SRGAP1: variants seen among roughly 807,000 people sequenced by gnomAD.
SRGAP1 encodes SLIT-ROBO Rho GTPase-activating protein 1.
SRGAP1 carries 43 observed loss-of-function variants against 121.9 expected under a neutral mutation model. That is an observed-to-expected ratio of 0.35 (90% CI 0.28 to 0.46). SRGAP1 has a LOEUF of 0.46. Among genes scored for constraint, SRGAP1 ranks in the 20% least tolerant of loss-of-function variants. SRGAP1 has a pLI of 1.00. For missense variants in SRGAP1, 1,102 were observed against 1,350.9 expected, an observed-to-expected ratio of 0.82 and a Z score of 2.89; for synonymous variants, 447 against 485.4, an observed-to-expected ratio of 0.92 and a Z score of 1.04.
At chr12:63,965,437 CTT>C (rs970607172) in intron 1 of SRGAP1, among the ~76,000 whole-genome samples, 1 of 152,022 alleles carries the variant, frequency 6.6e-6, no homozygotes, top group Non-Finnish European at 1.5e-5. Flanking sequence ...CATTTTCTAA[CTT>C]TTTATGATGC....
rs2037085556 is a variant in SRGAP1, at chr12:64,148,531, C to G, written c.*5859C>G. The G allele has an allele frequency of 6.6e-6, 1 of 152,096 alleles. No individual in the cohort carries two copies. Among genetic ancestry groups the G allele is most frequent in the Non-Finnish European group, 1.5e-5 (1 of 68,034 alleles). 9.4% of individuals were successfully genotyped at this position (152,096 alleles called of 1,614,324 possible). A position where few individuals can be genotyped will look rare whatever the true frequency, so the allele number is the denominator to read the frequency against. On this transcript the variant is annotated 3_prime_UTR_variant, in exon 22 of 22. Coordinates refer to ENST00000355086, the MANE Select transcript of SRGAP1 (RefSeq NM_020762.4). ...TCCTGACCTAAAGTGATCTATCTAC[C>G]TGCCTCAGCCTCCCAAGTGCTGGGA...
chr12:63,971,719 G>GA (rs1229079745), intron 1 of SRGAP1, among the ~76,000 whole-genome samples: 1 of 152,076 alleles, frequency 6.6e-6, no homozygotes. Context: ...GCTAAGGCCT[G>GA]AAAAATCTTA....
chr12:63,947,806 T>G (rs1362905216), intron 1 of SRGAP1, among the ~76,000 whole-genome samples: 1 of 152,230 alleles, frequency 6.6e-6, no homozygotes, highest in African/African-American at 2.4e-5. Flanking sequence ...CTCATTGCAC[T>G]CACCACAACC....
At chr12:64,043,053 A>G in intron 5 of SRGAP1, 81 bp downstream of exon 5, 1 of 931,540 alleles carries the variant, frequency 1.1e-6, no homozygotes, top group Non-Finnish European at 1.7e-6. Flanking sequence ...GCTGATATCC[A>G]CACATTGTAA....
At chr12:63,880,891 G>A (rs1380532847) in intron 1 of SRGAP1, among the ~76,000 whole-genome samples, 1 of 152,128 alleles carries the variant, frequency 6.6e-6, no homozygotes, top group Non-Finnish European at 1.5e-5. Context: ...ATGAATGAGC[G>A]GATGATGTGT....
chr12:63,862,078 G>A (rs762260449), intron 1 of SRGAP1, among the ~76,000 whole-genome samples: 1 of 152,172 alleles, frequency 6.6e-6, no homozygotes, highest in South Asian at 2.1e-4. Flanking sequence ...CCGAGATCAC[G>A]CCACTGCATT....
chr12:64,021,055 A>G (rs1409157763), intron 4 of SRGAP1, among the ~76,000 whole-genome samples: 1 of 151,962 alleles, frequency 6.6e-6, no homozygotes, highest in Non-Finnish European at 1.5e-5. Flanking sequence ...GTTAAACCCC[A>G]TTGTAAGGTT....
At chr12:64,097,408 A>G (rs780134897) in intron 15 of SRGAP1, 33 bp downstream of exon 15, 1 of 1,607,654 alleles carries the variant, frequency 6.2e-7, no homozygotes, top group Non-Finnish European at 8.5e-7. Flanking sequence ...TTTTCCCACA[A>G]GAATTATTTC....
chr12:64,070,137 G>T (rs1015688977), intron 8 of SRGAP1, among the ~76,000 whole-genome samples: 1 of 152,142 alleles, frequency 6.6e-6, no homozygotes, highest in Non-Finnish European at 1.5e-5. Flanking sequence ...AACATTTATT[G>T]CACTGTCTTG....
At position 64,146,224 on chromosome 12, in the gene SRGAP1, T is replaced by C. The variant is rs2037049265; in HGVS notation, c.*3552T>C. ...TTGCACATCTTCGTACAACATAATC[T>C]GGCTTTGGTGCCCCTTGAGCCACCT... On this transcript the variant is annotated 3_prime_UTR_variant, in exon 22 of 22. Transcript: ENST00000355086. The C allele has an allele frequency of 6.6e-6, 1 of 152,222 alleles. No homozygotes were observed. Among genetic ancestry groups the C allele is most frequent in the South Asian group, 2.1e-4 (1 of 4,822 alleles). 9.4% of individuals were successfully genotyped at this position (152,222 alleles called of 1,614,324 possible). A position where few individuals can be genotyped will look rare whatever the true frequency, so the allele number is the denominator to read the frequency against.
chr12:63,917,437 CTGAAAA>C (rs1341075421), intron 1 of SRGAP1, among the ~76,000 whole-genome samples: 1 of 152,096 alleles, frequency 6.6e-6, no homozygotes, highest in Non-Finnish European at 1.5e-5. Context: ...GGTCAGTTCA[CTGAAAA>C]GTTCATTTTT....
chr12:63,926,229 T>C (rs192112826), intron 1 of SRGAP1, among the ~76,000 whole-genome samples: 233 of 152,312 alleles, frequency 1.5e-3, no homozygotes, highest in Admixed American at 8.7e-3. Context: ...TTTAATATCT[T>C]AACAGCAAGC....
chr12:64,045,093 G>A (rs2136509525), intron 6 of SRGAP1, among the ~76,000 whole-genome samples: 1 of 152,122 alleles, frequency 6.6e-6, no homozygotes, highest in Admixed American at 6.5e-5. Context: ...TAAAACCAGG[G>A]AAATTTTTCT....
intron 1 of SRGAP1, among the ~76,000 whole-genome samples, chr12:63,858,093 TTACTC>T (rs1394553811): frequency 6.6e-6 from 1 of 152,298 alleles, no homozygotes; most frequent in African/African-American, 2.4e-5. Context: ...TTTTTCTTCT[TTACTC>T]TGTTAATGTG....
intron 1 of SRGAP1, among the ~76,000 whole-genome samples, chr12:63,943,911 C>T (rs1007402491): frequency 2.0e-5 from 3 of 152,026 alleles, no homozygotes; most frequent in South Asian, 2.1e-4. Context: ...TCAGAAAATC[C>T]AAGAATGTAT....
Position 64,108,954 on chromosome 12 carries a change from G to A in SRGAP1, c.1836G>A (p.Arg612=), listed in dbSNP as rs764954681. ...SCIRIDNLYE[R]ALHIRKLLLT... ...TAGGAATAGATAATCTCTATGAGAG[G>A]GCGCTTCACATCCGCAAACTCCTCC... The change falls in exon 16 of 22, where the codon AGG becomes AGA. Residue 612 remains arginine, a synonymous_variant. Coordinates refer to ENST00000355086, the MANE Select transcript of SRGAP1 (RefSeq NM_020762.4). 1.2e-6 allele frequency: 2 copies of A among 1,602,802 alleles called. No individual in the cohort carries two copies. Among genetic ancestry groups the A allele is most frequent in the South Asian group, 1.1e-5 (1 of 89,294 alleles).
intron 8 of SRGAP1, among the ~76,000 whole-genome samples, chr12:64,067,757 A>G (rs1337263975): frequency 2.0e-5 from 3 of 152,166 alleles, no homozygotes. Flanking sequence ...CTGATGGAGA[A>G]GGTGAGGTCA....
chr12:63,916,778 A>G (rs1002653118), intron 1 of SRGAP1, among the ~76,000 whole-genome samples: 18 of 152,220 alleles, frequency 1.2e-4, no homozygotes, highest in Admixed American at 2.0e-4. Flanking sequence ...TGGGAATCGC[A>G]TGCAGGCCAG....
At chr12:63,885,714 G>A (rs752833239) in intron 1 of SRGAP1, among the ~76,000 whole-genome samples, 1 of 152,174 alleles carries the variant, frequency 6.6e-6, no homozygotes, top group Non-Finnish European at 1.5e-5. Context: ...AGAAAAACAG[G>A]AGAAGTTCAG....
Sources: gnomAD v4.1 joint callset for allele counts (sites outside exome capture counted in the v4.1 genomes callset) on GRCh38, gnomAD v4.1.1 for gene constraint, MANE v1.5 for transcripts, NCBI Gene and HGNC (gene_info 2026-07-23, HGNC 2026-07-21) for gene names.